Variants in TBK1 observed in about 807,000 individuals in gnomAD.
TBK1 encodes serine/threonine-protein kinase TBK1.
Under a neutral mutation model 99.9 loss-of-function variants are expected in TBK1, and 37 were observed. That is an observed-to-expected ratio of 0.37 (90% CI 0.28 to 0.49). The LOEUF (loss-of-function observed/expected upper bound fraction) is 0.49. Among genes scored for constraint, TBK1 ranks in the 20% least tolerant of loss-of-function variants. The pLI, the probability that TBK1 is intolerant of heterozygous loss-of-function variation, is 0.98. For missense variants in TBK1, 644 were observed against 872.5 expected, an observed-to-expected ratio of 0.74 and a Z score of 3.30; for synonymous variants, 258 against 279.8, an observed-to-expected ratio of 0.92 and a Z score of 0.78.
At chr12:64,466,107 A>G (rs2040600877) in intron 4 of TBK1, among the ~76,000 whole-genome samples, 1 of 152,208 alleles carries the variant, frequency 6.6e-6, no homozygotes, top group South Asian at 2.1e-4. Flanking sequence ...GAGAGAAACA[A>G]TATTACTAGT....
rs1396268425 is a variant in TBK1, at chr12:64,502,005, G to A, written c.*624G>A. On this transcript the variant is annotated 3_prime_UTR_variant, in exon 21 of 21. Transcript: ENST00000331710. ...ATTTTTTTCCTTTGGCCATAAATGT[G>A]TAATTGTCATTAAAATTCTAAGGTC... 1.3e-5 allele frequency: 2 copies of A among 152,526 alleles called. No individual in the cohort carries two copies. The highest frequency in any genetic ancestry group is 2.9e-5 in the Non-Finnish European group (2 of 68,026). The allele number at this position is 152,526 out of a possible 1,614,324, so 9.4% of individuals were successfully genotyped here.
intron 13 of TBK1, among the ~76,000 whole-genome samples, chr12:64,493,130 A>C (rs1248398974): frequency 6.6e-6 from 1 of 151,274 alleles, no homozygotes; most frequent in Non-Finnish European, 1.5e-5. Flanking sequence ...TCCTGACCTC[A>C]TGATCTGCCC....
At chr12:64,500,220 A>T (rs959827971) in intron 20 of TBK1, among the ~76,000 whole-genome samples, 6 of 152,206 alleles carry the variant, frequency 3.9e-5, no homozygotes, top group Admixed American at 2.0e-4. Context: ...CTCTGTCTCC[A>T]TGTGGATAAC....
At chr12:64,454,028 G>T (rs2040457759) in intron 1 of TBK1, among the ~76,000 whole-genome samples, 1 of 152,024 alleles carries the variant, frequency 6.6e-6, no homozygotes, top group Admixed American at 6.6e-5. Context: ...GGAATATTAT[G>T]CAGTGACAAC....
At chr12:64,458,512 CATAT>C (rs10626258) in intron 2 of TBK1, among the ~76,000 whole-genome samples, 2 of 144,138 alleles carry the variant, frequency 1.4e-5, no homozygotes, top group African/African-American at 2.6e-5. Flanking sequence ...TGGATATATA[CATAT>C]ATATATATAT....
chr12:64,494,321 AAG>A (rs72348318), intron 13 of TBK1, among the ~76,000 whole-genome samples: 23,002 of 150,072 alleles, frequency 0.15, 1,793 homozygotes, highest in Middle Eastern at 0.24. Flanking sequence ...AAAGAAAAAA[AAG>A]AAAAAATTAG....
intron 1 of TBK1, 63 bp from the exon 2 acceptor site, chr12:64,455,777 A>C: frequency 1.2e-6 from 1 of 803,598 alleles, no homozygotes; most frequent in Non-Finnish European, 2.0e-6. Flanking sequence ...AAAACAGCTA[A>C]CATTTGTTTC....
intron 8 of TBK1, among the ~76,000 whole-genome samples, chr12:64,483,479 A>G (rs957300640): frequency 6.6e-6 from 1 of 152,234 alleles, no homozygotes; most frequent in Non-Finnish European, 1.5e-5. Flanking sequence ...ATATAGTCAC[A>G]TAACAAGTGC....
intron 3 of TBK1, among the ~76,000 whole-genome samples, chr12:64,460,537 A>AG: frequency 6.6e-6 from 1 of 152,278 alleles, no homozygotes; most frequent in East Asian, 1.9e-4. Context: ...AAGAAATAAA[A>AG]GGGGGCGGCC....
intron 12 of TBK1, 77 bp from the exon 13 acceptor site, chr12:64,489,961 AATT>A (rs2040853692): frequency 4.6e-6 from 4 of 862,976 alleles, no homozygotes; most frequent in South Asian, 4.3e-5. Flanking sequence ...TGAAAGCTGA[AATT>A]ATTATTTATA....
chr12:64,471,648 C>A (rs989702043), intron 5 of TBK1, among the ~76,000 whole-genome samples: 10 of 152,152 alleles, frequency 6.6e-5, no homozygotes, highest in African/African-American at 2.4e-4. Flanking sequence ...GCCACCACAC[C>A]CTGTCTCTTC....
chr12:64,455,853 T>C lies in TBK1; in HGVS notation c.-18T>C. The C allele has an allele frequency of 1.3e-6, 2 of 1,595,174 alleles. No homozygotes were observed. The highest frequency in any genetic ancestry group is 1.4e-5 in the African/African-American group (1 of 73,670). ...TTTTTCTCTTAGTATAACAAGAGGA[T>C]TGCCTGATCCAGCCAAGATGCAGAG... On this transcript the variant is annotated 5_prime_UTR_variant, in exon 2 of 21. Transcript: ENST00000331710.
chr12:64,479,656 CT>C (rs2040749062), intron 6 of TBK1, among the ~76,000 whole-genome samples: 1 of 151,916 alleles, frequency 6.6e-6, no homozygotes, highest in East Asian at 1.9e-4. Flanking sequence ...GGATTATATG[CT>C]TTTTTTCATG....
At chr12:64,500,905 C>T (rs2040981920) in intron 20 of TBK1, among the ~76,000 whole-genome samples, 1 of 151,940 alleles carries the variant, frequency 6.6e-6, no homozygotes, top group Non-Finnish European at 1.5e-5. Flanking sequence ...ACTATAGGCA[C>T]ACGCTACCAC....
Position 64,453,707 on chromosome 12 carries a change from A to C in TBK1, c.-32+1520A>C, listed in dbSNP as rs574321487. ...GGAGGGATATTAAAATCCATGTTTT[A>C]ATGACAATACAGCAGGTTTAAGGGG... On this transcript the variant is annotated intron_variant, in intron 1 of 20. Transcript: ENST00000331710. Among the ~76,000 whole-genome samples the C allele has an allele frequency of 3.0e-4, 45 of 152,280 alleles. 1 individual carries two copies. The South Asian group carries it at 6.9e-3, about 23-fold the overall frequency.
At chr12:64,461,292 A>G (rs1024513932) in intron 3 of TBK1, among the ~76,000 whole-genome samples, 4 of 152,178 alleles carry the variant, frequency 2.6e-5, no homozygotes, top group African/African-American at 9.6e-5. Flanking sequence ...GTCCAATTAT[A>G]AAAGAATTGA....
chr12:64,455,419 A>C (rs2040476326), intron 1 of TBK1, among the ~76,000 whole-genome samples: 1 of 152,214 alleles, frequency 6.6e-6, no homozygotes, highest in Non-Finnish European at 1.5e-5. Context: ...CTTCAACTTA[A>C]AGTTACTCTT....
At position 64,501,434 on chromosome 12, in the gene TBK1, T is replaced by G; in HGVS notation, c.*53T>G. On this transcript the variant is annotated 3_prime_UTR_variant, in exon 21 of 21. Coordinates refer to ENST00000331710, the MANE Select transcript of TBK1 (RefSeq NM_013254.4). ...TCCGTTTGCACAAGAAAATAACGCT[T>G]GGGCATTAAATGAATGCCTTTATAG... is the stretch of plus-strand genomic sequence containing the variant. The G allele has an allele frequency of 6.3e-7, 1 of 1,586,292 alleles. No homozygotes were observed. The highest frequency in any genetic ancestry group is 8.6e-7 in the Non-Finnish European group (1 of 1,160,164).
chr12:64,483,123 G>A (rs974626396), intron 8 of TBK1, among the ~76,000 whole-genome samples: 7 of 152,158 alleles, frequency 4.6e-5, no homozygotes, highest in Admixed American at 2.0e-4. Flanking sequence ...TAACTTAATT[G>A]TACATTTTAA....
Sources: gnomAD v4.1 joint callset for allele counts (sites outside exome capture counted in the v4.1 genomes callset) on GRCh38, gnomAD v4.1.1 for gene constraint, MANE v1.5 for transcripts, NCBI Gene and HGNC (gene_info 2026-07-23, HGNC 2026-07-21) for gene names.